ZBTB20: variants seen among roughly 807,000 people sequenced by gnomAD.
The protein encoded by ZBTB20 is zinc finger and BTB domain containing 20, also known as zinc finger and BTB domain-containing protein 20.
ZBTB20 carries 9 observed loss-of-function variants against 56.9 expected under a neutral mutation model. The ratio of observed to expected loss-of-function variants is 0.16; its 90% CI spans 0.10 to 0.28. ZBTB20 has a LOEUF of 0.28. ZBTB20 is among the 10% of genes least tolerant of loss of function. ZBTB20 has a pLI of 1.00. For synonymous variants in ZBTB20, 417 were observed against 420.7 expected, an observed-to-expected ratio of 0.99 and a Z score of 0.11; for missense variants, 655 against 1,003.0, an observed-to-expected ratio of 0.65 and a Z score of 4.69.
At position 114,769,885 on chromosome 3, in the gene ZBTB20, C is replaced by T. The variant is rs186170338; in HGVS notation, c.-343+31216G>A. Among the ~76,000 whole-genome samples the T allele has an allele frequency of 1.3e-4, 20 of 151,652 alleles. No homozygotes were observed. In the East Asian group the frequency reaches 3.3e-3, roughly 25 times the overall value. On this transcript the variant is annotated intron_variant, in intron 5 of 11. Transcript: ENST00000675478. ...ACCAGCCTGGCCCACATGGTGAAAC[C>T]CTGTCTCTAATAAAAATACAAAAAT... is the stretch of plus-strand genomic sequence containing the variant.
intron 6 of ZBTB20, among the ~76,000 whole-genome samples, chr3:114,632,361 CT>C (rs2059006025): frequency 6.6e-6 from 1 of 152,188 alleles, no homozygotes; most frequent in African/African-American, 2.4e-5. Flanking sequence ...GCACACCCCC[CT>C]CTCCCCTGCA....
chr3:114,908,040 A>C (rs1185537526), intron 3 of ZBTB20, among the ~76,000 whole-genome samples: 1 of 151,922 alleles, frequency 6.6e-6, no homozygotes, highest in Non-Finnish European at 1.5e-5. Context: ...AAAGAAATGA[A>C]GGAGGGAGTT....
In ZBTB20 at chr3:114,723,202, C is replaced by T. The variant is rs551296685; in HGVS notation, c.-342-29627G>A. On this transcript the variant is annotated intron_variant, in intron 5 of 11. Transcript: ENST00000675478. ...AATGCAAATAGATTCAAATATGCTG[C>T]CATTTCCACTACCTTGTTTTCTATT... Among the ~76,000 whole-genome samples the T allele has an allele frequency of 1.2e-3, 181 of 151,992 alleles. 2 individuals carry two copies. The highest frequency in any genetic ancestry group is 2.3e-3 in the South Asian group (11 of 4,800).
At chr3:115,057,969 G>C (rs746371620) in intron 2 of ZBTB20, among the ~76,000 whole-genome samples, 4 of 152,018 alleles carry the variant, frequency 2.6e-5, no homozygotes, top group Non-Finnish European at 4.4e-5. Flanking sequence ...TGGAAGAGGA[G>C]GCAAACACAT....
chr3:114,804,859 C>T (rs2071984548), intron 4 of ZBTB20, among the ~76,000 whole-genome samples: 2 of 151,822 alleles, frequency 1.3e-5, no homozygotes, highest in African/African-American at 2.4e-5. Context: ...TAATATCATT[C>T]CACATCAAAA....
chr3:115,109,466 C>T (rs747728531), intron 1 of ZBTB20, among the ~76,000 whole-genome samples: 18 of 152,136 alleles, frequency 1.2e-4, no homozygotes, highest in Non-Finnish European at 2.1e-4. Context: ...GTTATCTCTA[C>T]TACATGTGTC....
chr3:115,006,459 G>A (rs993999215), intron 2 of ZBTB20, among the ~76,000 whole-genome samples: 11 of 141,694 alleles, frequency 7.8e-5, no homozygotes, highest in Admixed American at 4.4e-4. Flanking sequence ...TTATCCAGTT[G>A]GATATATATA....
chr3:114,961,027 G>A (rs1458292959), intron 3 of ZBTB20, among the ~76,000 whole-genome samples: 1 of 151,838 alleles, frequency 6.6e-6, no homozygotes, highest in African/African-American at 2.4e-5. Context: ...CAGCAGACAA[G>A]GTGAATTGCT....
chr3:114,803,587 C>T (rs1287972989), intron 4 of ZBTB20, among the ~76,000 whole-genome samples: 1 of 151,758 alleles, frequency 6.6e-6, no homozygotes, highest in African/African-American at 2.4e-5. Context: ...ATGAATAGTG[C>T]TCCTCTTCTT....
chr3:114,388,281 T>A (rs886200403), intron 8 of ZBTB20: 1 of 152,224 alleles, frequency 6.6e-6, no homozygotes, highest in Non-Finnish European at 1.5e-5. Flanking sequence ...ATAGCATATA[T>A]TCATCTGTTA....
chr3:114,345,100 A>G (rs529798912), intron 11 of ZBTB20, among the ~76,000 whole-genome samples: 1 of 152,346 alleles, frequency 6.6e-6, no homozygotes, highest in South Asian at 2.1e-4. Flanking sequence ...ATCTGTGTAT[A>G]AGTCCCTTGA....
intron 1 of ZBTB20, among the ~76,000 whole-genome samples, chr3:115,098,224 A>G (rs2083449641): frequency 6.6e-6 from 1 of 152,190 alleles, no homozygotes; most frequent in African/African-American, 2.4e-5. Context: ...ATGCACAGAT[A>G]TCGCCACTGT....
intron 6 of ZBTB20, among the ~76,000 whole-genome samples, chr3:114,649,228 G>T (rs1289039737): frequency 1.3e-5 from 2 of 151,908 alleles, no homozygotes; most frequent in African/African-American, 4.8e-5. Context: ...ATCCCTTGCT[G>T]CCTGAATACA....
chr3:114,376,736 C>T (rs1428469240), intron 10 of ZBTB20, among the ~76,000 whole-genome samples: 1 of 152,166 alleles, frequency 6.6e-6, no homozygotes, highest in African/African-American at 2.4e-5. Context: ...TGCGTAAGTG[C>T]ATCTTGGCAA....
intron 11 of ZBTB20, among the ~76,000 whole-genome samples, chr3:114,346,683 ATTTTT>A (rs34177643): frequency 2.2e-5 from 3 of 136,914 alleles, no homozygotes; most frequent in Non-Finnish European, 1.6e-5. Flanking sequence ...TCTCAAACAG[ATTTTT>A]TTTTTTTTTT....
intron 4 of ZBTB20, among the ~76,000 whole-genome samples, chr3:114,810,107 A>C (rs2072411034): frequency 6.6e-6 from 1 of 152,088 alleles, no homozygotes; most frequent in African/African-American, 2.4e-5. Flanking sequence ...TGTAGAATGC[A>C]CTCAAAGTTC....
intron 4 of ZBTB20, among the ~76,000 whole-genome samples, chr3:114,844,537 A>AAAAAAAAAC (rs2074575651): frequency 1.4e-5 from 2 of 138,810 alleles, no homozygotes; most frequent in Non-Finnish European, 1.6e-5. Flanking sequence ...AAAAAAAAAA[A>AAAAAAAAAC]AAAAAAAAAA....
intron 5 of ZBTB20, among the ~76,000 whole-genome samples, chr3:114,728,440 T>C (rs1274216): frequency 0.96 from 146,043 of 152,276 alleles, 70,351 homozygotes; most frequent in East Asian, 1. Context: ...TGGAAAGAAG[T>C]CCAAATAAAG....
At position 114,338,650 on chromosome 3, in the gene ZBTB20, A is replaced by C; in HGVS notation, c.*355T>G. On this transcript the variant is annotated 3_prime_UTR_variant, in exon 12 of 12. Coordinates refer to ENST00000675478, the MANE Select transcript of ZBTB20 (RefSeq NM_001348800.3). ...TTTTGTAGTGCTCTTCACAAGTGGA[A>C]ATTTTTTTTTTTTTTTTACTTTTTT... The C allele has an allele frequency of 5.8e-6, 1 of 172,464 alleles. No individual in the cohort carries two copies. Among genetic ancestry groups the C allele is most frequent in the Non-Finnish European group, 1.2e-5 (1 of 82,076 alleles). The allele number at this position is 172,464 out of a possible 1,614,324, so 10.7% of individuals were successfully genotyped here.
Sources: allele counts gnomAD v4.1 joint callset (sites outside exome capture counted in the v4.1 genomes callset), GRCh38; gene constraint gnomAD v4.1.1; transcripts MANE v1.5; gene names NCBI Gene and HGNC (gene_info 2026-07-23, HGNC 2026-07-21).